B3GALT1: variants seen among roughly 807,000 people sequenced by gnomAD.
The protein encoded by B3GALT1 is UDP-Gal:betaGlcNAc beta 1,3-galactosyltransferase, polypeptide 1.
B3GALT1 carries 10 observed loss-of-function variants against 23.2 expected under a neutral mutation model. That is an observed-to-expected ratio of 0.43 (90% CI 0.27 to 0.73). B3GALT1 has a LOEUF of 0.73. Among genes scored for constraint, B3GALT1 ranks in the 30% least tolerant of loss-of-function variants. The probability of loss-of-function intolerance (pLI) is 0.21; values close to 1 mark genes in which losing one functional copy is unlikely to be tolerated. For missense variants in B3GALT1, 299 were observed against 405.4 expected, an observed-to-expected ratio of 0.74 and a Z score of 2.25; for synonymous variants, 156 against 141.5, an observed-to-expected ratio of 1.10 and a Z score of -0.73.
At chr2:167,731,847 G>T (rs1400472440) in intron 3 of B3GALT1, among the ~76,000 whole-genome samples, 2 of 152,156 alleles carry the variant, frequency 1.3e-5, no homozygotes, top group Non-Finnish European at 2.9e-5. Context: ...GTACACTTAA[G>T]GAGATTTGTT....
At chr2:167,604,088 A>T (rs1020325155) in intron 2 of B3GALT1, among the ~76,000 whole-genome samples, 5 of 152,190 alleles carry the variant, frequency 3.3e-5, no homozygotes, top group African/African-American at 1.2e-4. Context: ...TACTTTTTAT[A>T]CTAAAAATCT....
At chr2:167,849,680 G>T (rs1465110691) in intron 4 of B3GALT1, among the ~76,000 whole-genome samples, 1 of 152,104 alleles carries the variant, frequency 6.6e-6, no homozygotes, top group African/African-American at 2.4e-5. Flanking sequence ...AAGGTCAGGA[G>T]ATCGAGACCA....
At chr2:167,673,728 A>T (rs1306581144) in intron 3 of B3GALT1, among the ~76,000 whole-genome samples, 1 of 152,090 alleles carries the variant, frequency 6.6e-6, no homozygotes, top group Non-Finnish European at 1.5e-5. Flanking sequence ...ATTAGTAATC[A>T]TAACAGTTAA....
intron 1 of B3GALT1, among the ~76,000 whole-genome samples, chr2:167,400,073 C>T (rs1698162345): frequency 6.6e-6 from 1 of 151,660 alleles, no homozygotes; most frequent in Non-Finnish European, 1.5e-5. Flanking sequence ...AAGTCTGATT[C>T]CAGAGTGAAA....
chr2:167,670,717 A>G (rs1377418675), intron 3 of B3GALT1, among the ~76,000 whole-genome samples: 4 of 152,216 alleles, frequency 2.6e-5, no homozygotes, highest in Non-Finnish European at 5.9e-5. Context: ...ATGAAAAAGA[A>G]CCAAACAGAA....
chr2:167,668,076 G>T (rs1469572997), intron 3 of B3GALT1, among the ~76,000 whole-genome samples: 4 of 152,132 alleles, frequency 2.6e-5, no homozygotes, highest in Admixed American at 1.3e-4. Flanking sequence ...CATCTTTGTG[G>T]TTTTATCTAC....
chr2:167,428,137 AAATC>A (rs1698651792), intron 1 of B3GALT1, among the ~76,000 whole-genome samples: 2 of 152,266 alleles, frequency 1.3e-5, no homozygotes, highest in East Asian at 3.8e-4. Flanking sequence ...ATAAAAAAGA[AAATC>A]AATTAATGGT....
At chr2:167,435,173 C>T (rs1698763530) in intron 1 of B3GALT1, among the ~76,000 whole-genome samples, 1 of 151,662 alleles carries the variant, frequency 6.6e-6, no homozygotes, top group Non-Finnish European at 1.5e-5. Context: ...AAGAAAGATA[C>T]ATACATTTTT....
intron 3 of B3GALT1, among the ~76,000 whole-genome samples, chr2:167,756,552 G>A (rs970929853): frequency 6.6e-6 from 1 of 152,008 alleles, no homozygotes; most frequent in Non-Finnish European, 1.5e-5. Flanking sequence ...ATTTTGGCTC[G>A]GCAGGCTAGA....
chr2:167,730,710 T>C (rs1687397349), intron 3 of B3GALT1, among the ~76,000 whole-genome samples: 1 of 152,196 alleles, frequency 6.6e-6, no homozygotes, highest in Admixed American at 6.5e-5. Flanking sequence ...ATATTATTAT[T>C]ATTTAGCAGG....
chr2:167,559,144 C>T (rs1206412712), intron 2 of B3GALT1, among the ~76,000 whole-genome samples: 3 of 152,278 alleles, frequency 2.0e-5, no homozygotes, highest in South Asian at 2.1e-4. Context: ...GCAGGATTTG[C>T]GGTTCATGAA....
At chr2:167,451,172 A>G (rs1282644959) in intron 1 of B3GALT1, among the ~76,000 whole-genome samples, 2 of 151,844 alleles carry the variant, frequency 1.3e-5, no homozygotes, top group African/African-American at 4.8e-5. Context: ...TTAATAACTG[A>G]CCTTCTGAAT....
intron 1 of B3GALT1, among the ~76,000 whole-genome samples, chr2:167,357,032 A>ATATG (rs764405542): frequency 1.3e-5 from 2 of 150,930 alleles, no homozygotes; most frequent in African/African-American, 4.9e-5. Context: ...GTGTGTGTGT[A>ATATG]TATATATATA....
intron 4 of B3GALT1, among the ~76,000 whole-genome samples, chr2:167,855,177 A>G (rs1172817774): frequency 6.6e-6 from 1 of 152,170 alleles, no homozygotes; most frequent in Non-Finnish European, 1.5e-5. Context: ...TGAAATGCAT[A>G]GCAGCTGGAC....
chr2:167,369,126 T>TC (rs1657587338), intron 1 of B3GALT1, among the ~76,000 whole-genome samples: 1 of 151,264 alleles, frequency 6.6e-6, no homozygotes, highest in Admixed American at 6.6e-5. Context: ...TGTTTCTATG[T>TC]CCAGTATCTT....
At chr2:167,304,411 A>G (rs1329043009) in intron 1 of B3GALT1, among the ~76,000 whole-genome samples, 2 of 152,154 alleles carry the variant, frequency 1.3e-5, no homozygotes, top group Admixed American at 6.6e-5. Flanking sequence ...ATGTATTGTT[A>G]TACTCAGTGT....
intron 1 of B3GALT1, among the ~76,000 whole-genome samples, chr2:167,385,007 A>G (rs1183629500): frequency 6.6e-6 from 1 of 151,960 alleles, no homozygotes; most frequent in Non-Finnish European, 1.5e-5. Context: ...ACCATATGCT[A>G]AGTATTGTGC....
chr2:167,445,437 A>G (rs1443090118), intron 1 of B3GALT1, among the ~76,000 whole-genome samples: 2 of 152,156 alleles, frequency 1.3e-5, no homozygotes, highest in Admixed American at 6.6e-5. Flanking sequence ...TTTCTGTCTC[A>G]TTGATCTGTC....
chr2:167,816,244 A>G (rs549523564), intron 3 of B3GALT1, among the ~76,000 whole-genome samples: 12 of 152,224 alleles, frequency 7.9e-5, no homozygotes, highest in Non-Finnish European at 1.6e-4. Flanking sequence ...ATTGATGGCA[A>G]TTAAGTATTT....
Sources: gnomAD v4.1 joint callset for allele counts (sites outside exome capture counted in the v4.1 genomes callset) on GRCh38, gnomAD v4.1.1 for gene constraint, MANE v1.5 for transcripts, NCBI Gene and HGNC (gene_info 2026-07-23, HGNC 2026-07-21) for gene names.